The following KCNQ3 variants were observed in gnomAD, a reference collection of about 807,000 sequenced individuals.
The protein encoded by KCNQ3 is potassium voltage-gated channel subfamily Q member 3, also known as potassium voltage-gated channel subfamily KQT member 3.
Under a neutral mutation model 92.5 loss-of-function variants are expected in KCNQ3, and 30 were observed. The observed-to-expected ratio is 0.32, with a 90% CI of 0.24 to 0.44. KCNQ3 has a LOEUF of 0.44. Among genes scored for constraint, KCNQ3 ranks in the 20% least tolerant of loss-of-function variants. The pLI, the probability that KCNQ3 is intolerant of heterozygous loss-of-function variation, is 1.00. For missense variants in KCNQ3, 913 were observed against 1,140.3 expected, an observed-to-expected ratio of 0.80 and a Z score of 2.87; for synonymous variants, 450 against 468.8, an observed-to-expected ratio of 0.96 and a Z score of 0.52.
At chr8:132,194,162 A>T (rs1014257062) in intron 1 of KCNQ3, among the ~76,000 whole-genome samples, 7 of 152,202 alleles carry the variant, frequency 4.6e-5, no homozygotes, top group Non-Finnish European at 1.0e-4. Context: ...ATAGCGATGC[A>T]TAGAAACATT....
chr8:132,140,496 C>A (rs1411648951), intron 10 of KCNQ3: 1 of 355,376 alleles, frequency 2.8e-6, no homozygotes, highest in Non-Finnish European at 5.2e-6. Context: ...GCAAAGGACA[C>A]AGAAGCCAGC....
chr8:132,385,291 A>G (rs1004623470), intron 1 of KCNQ3, among the ~76,000 whole-genome samples: 2 of 152,202 alleles, frequency 1.3e-5, no homozygotes, highest in Non-Finnish European at 2.9e-5. Flanking sequence ...TCCCTTCTAC[A>G]GTTGCCAATG....
chr8:132,293,927 T>A (rs527982322), intron 1 of KCNQ3, among the ~76,000 whole-genome samples: 1 of 152,014 alleles, frequency 6.6e-6, no homozygotes, highest in East Asian at 1.9e-4. Context: ...GAAATTAGAT[T>A]CCTCATAGGT....
rs746006725 is a variant in KCNQ3, at chr8:132,129,545, C to T, written c.2336G>A (p.Arg779Lys). Reference sequence around the variant, plus strand: ...GTCACTGTCTCGCGTGATGCTACGTCTCTGCCGGGGGGAGATTCGGTCCGA... The same window carrying T: ...GTCACTGTCTCGCGTGATGCTACGTTTCTGCCGGGGGGAGATTCGGTCCGA... ...PYSDRISPRQ[R>K]RSITRDSDTP... The change falls in exon 15 of 15, where the codon AGA becomes AAA. Residue 779 changes from arginine (R) to lysine (K), a missense_variant. Physicochemically the swap from Arg to Lys is conservative, Grantham distance 26 (BLOSUM62 2). Coordinates refer to ENST00000388996, the MANE Select transcript of KCNQ3 (RefSeq NM_004519.4). The surrounding 1 kb of genome is among the most constrained non-coding windows in gnomAD (Gnocchi z 5.9). The T allele has an allele frequency of 1.9e-6, 3 of 1,614,212 alleles. No individual in the cohort carries two copies. The highest frequency in any genetic ancestry group is 4.5e-5 in the East Asian group (2 of 44,868).
At chr8:132,250,093 G>C (rs1395460325) in intron 1 of KCNQ3, among the ~76,000 whole-genome samples, 1 of 152,186 alleles carries the variant, frequency 6.6e-6, no homozygotes, top group Non-Finnish European at 1.5e-5. Context: ...ACAGCCCAGA[G>C]AAGGGCTCCC....
intron 1 of KCNQ3, among the ~76,000 whole-genome samples, chr8:132,195,417 G>A (rs1041393395): frequency 5.3e-5 from 8 of 152,210 alleles, no homozygotes; most frequent in Admixed American, 2.0e-4. Flanking sequence ...GCTGAGCCAG[G>A]CAATGGCAGA....
At chr8:132,441,203 T>C (rs913595187) in intron 1 of KCNQ3, among the ~76,000 whole-genome samples, 4 of 152,132 alleles carry the variant, frequency 2.6e-5, no homozygotes, top group African/African-American at 9.7e-5. Flanking sequence ...CTACTGTGAA[T>C]AGTGTTGCAA....
chr8:132,313,054 G>A (rs774450121), intron 1 of KCNQ3, among the ~76,000 whole-genome samples: 1 of 152,204 alleles, frequency 6.6e-6, no homozygotes, highest in Non-Finnish European at 1.5e-5. Flanking sequence ...AGAGAAAGCT[G>A]TGTCTATTAA....
At chr8:132,157,133 T>C (rs73355074) in intron 9 of KCNQ3, among the ~76,000 whole-genome samples, 18,237 of 152,204 alleles carry the variant, frequency 0.12, 1,507 homozygotes, top group African/African-American at 0.23. Flanking sequence ...CAATTTGTTA[T>C]GGCTGCTGTA....
intron 1 of KCNQ3, among the ~76,000 whole-genome samples, chr8:132,248,493 T>C (rs145518478): frequency 3.0e-4 from 46 of 152,280 alleles, no homozygotes; most frequent in African/African-American, 9.1e-4. Flanking sequence ...TATTAGCTTC[T>C]AGGGAAAGCT....
intron 1 of KCNQ3, among the ~76,000 whole-genome samples, chr8:132,348,892 T>C (rs1156670733): frequency 2.0e-5 from 3 of 152,264 alleles, no homozygotes; most frequent in African/African-American, 7.2e-5. Flanking sequence ...ACATACCATG[T>C]GCACACAAGA....
intron 1 of KCNQ3, among the ~76,000 whole-genome samples, chr8:132,230,692 G>A (rs1814617927): frequency 6.6e-6 from 1 of 152,208 alleles, no homozygotes; most frequent in African/African-American, 2.4e-5. Flanking sequence ...TGGAAAGAAA[G>A]CACTACATTT....
At chr8:132,266,702 T>C (rs1040686779) in intron 1 of KCNQ3, among the ~76,000 whole-genome samples, 1 of 152,134 alleles carries the variant, frequency 6.6e-6, no homozygotes, top group Admixed American at 6.5e-5. Context: ...CTGAAGGCCA[T>C]GTGAAAGCCC....
At chr8:132,413,162 C>G (rs566794979) in intron 1 of KCNQ3, among the ~76,000 whole-genome samples, 2 of 152,256 alleles carry the variant, frequency 1.3e-5, no homozygotes, top group Non-Finnish European at 2.9e-5. Context: ...GTTCTCGCCA[C>G]GCTACAAATG....
At position 132,141,023 on chromosome 8, in the gene KCNQ3, T is replaced by A. The variant is rs191122994; in HGVS notation, c.1465+106A>T. On this transcript the variant is annotated intron_variant, in intron 10 of 14. Transcript: ENST00000388996. ...GTCGAGGGAAGGGAGAGAGTTACCT[T>A]GTGGAGTCAAAGGTTCTTAAGTGGG... 6.5e-4 allele frequency: 661 copies of A among 1,011,528 alleles called. No individual in the cohort carries two copies. In the African/African-American group the frequency reaches 9.3e-3, roughly 14 times the overall value. The allele number at this position is 1,011,528 out of a possible 1,614,324, so 62.7% of individuals were successfully genotyped here. A position where few individuals can be genotyped will look rare whatever the true frequency, so the allele number is the denominator to read the frequency against.
rs368892862 is a variant in KCNQ3 at position 132,130,084 on chromosome 8, GTT to G, written c.1885-90_1885-89del. The G allele has an allele frequency of 1.6e-3, 1,788 of 1,137,150 alleles. 16 individuals are homozygous for G. Among genetic ancestry groups the G allele is most frequent in the Non-Finnish European group, 1.7e-3 (1,394 of 820,622 alleles). The allele number at this position is 1,137,150 out of a possible 1,614,324, so 70.4% of individuals were successfully genotyped here. A position where few individuals can be genotyped will look rare whatever the true frequency, so the allele number is the denominator to read the frequency against. On this transcript the variant is annotated intron_variant, in intron 14 of 14. Coordinates refer to ENST00000388996, the MANE Select transcript of KCNQ3 (RefSeq NM_004519.4). ...TTGGGAGGAAATATTCTTTTTTTTT[GTT>G]TTTTTTTTTTTTTTGAGACGAAGTC...
chr8:132,321,455 C>G (rs1261055370), intron 1 of KCNQ3: 1 of 152,734 alleles, frequency 6.5e-6, no homozygotes, highest in African/African-American at 2.4e-5. Flanking sequence ...CTGAAACACG[C>G]TTCCTCCCTC....
chr8:132,446,417 G>A (rs2673573), intron 1 of KCNQ3, among the ~76,000 whole-genome samples: 76,726 of 152,042 alleles, frequency 0.5, 20,446 homozygotes, highest in Middle Eastern at 0.67. Context: ...TGGGAGACCC[G>A]GACTCTGCTC....
At chr8:132,339,148 T>C (rs1818447802) in intron 1 of KCNQ3, among the ~76,000 whole-genome samples, 1 of 152,208 alleles carries the variant, frequency 6.6e-6, no homozygotes, top group Non-Finnish European at 1.5e-5. Context: ...GGTCAATCTA[T>C]TCCCCTCTCT....
Sources: allele counts gnomAD v4.1 joint callset (sites outside exome capture counted in the v4.1 genomes callset), GRCh38; gene constraint gnomAD v4.1.1; non-coding constraint Gnocchi (gnomAD v3.1); transcripts MANE v1.5; gene names NCBI Gene and HGNC (gene_info 2026-07-23, HGNC 2026-07-21).